LRRC4C: variants seen among roughly 807,000 people sequenced by gnomAD.
The protein encoded by LRRC4C is leucine-rich repeat-containing protein 4C.
A neutral mutation model predicts 33.6 loss-of-function variants in LRRC4C; 5 were observed. The ratio of observed to expected loss-of-function variants is 0.15; its 90% CI spans 0.08 to 0.31. The LOEUF (loss-of-function observed/expected upper bound fraction) is 0.31. Ranked by LOEUF, LRRC4C falls within the 10% of genes least tolerant of loss-of-function variation. The probability of loss-of-function intolerance (pLI) is 1.00; values close to 1 mark genes in which losing one functional copy is unlikely to be tolerated. For missense variants in LRRC4C, 560 were observed against 796.7 expected (o/e 0.70, Z 3.58); for synonymous variants, 329 against 302.0 (o/e 1.09, Z -0.93).
chr11:40,332,996 A>G lies in LRRC4C; in HGVS notation c.-269-13275T>C, dbSNP rs541420014. Among the ~76,000 whole-genome samples the G allele has an allele frequency of 1.1e-4, 17 of 152,362 alleles. No individual in the cohort carries two copies. In the East Asian group the frequency reaches 3.3e-3, roughly 29 times the overall value. On this transcript the variant is annotated intron_variant, in intron 3 of 6. Coordinates refer to ENST00000528697, the MANE Select transcript of LRRC4C (RefSeq NM_001258419.2). The stretch of plus-strand genomic sequence containing the variant: ...GTTTATCACACATAAATATTTATTG[A>G]ATAAATTAATGAATTAATGGATGAC...
At position 40,559,860 on chromosome 11, in the gene LRRC4C, G is replaced by T. The variant is rs11035920; in HGVS notation, c.-270+88282C>A. Among the ~76,000 whole-genome samples, 1,010 of 152,122 alleles carry T rather than the reference G, an allele frequency of 6.6e-3. 16 individuals carry two copies. Among genetic ancestry groups the T allele is most frequent in the African/African-American group, 0.023 (968 of 41,504 alleles). ...TTTTTCACATGCTTGTTGGCCACAA[G>T]ATACAAATTTTTAAATGGATGGCAG... On this transcript the variant is annotated intron_variant, in intron 3 of 6. Transcript: ENST00000528697.
At chr11:40,718,389 T>G (rs1432483325) in intron 2 of LRRC4C, among the ~76,000 whole-genome samples, 1 of 152,174 alleles carries the variant, frequency 6.6e-6, no homozygotes, top group African/African-American at 2.4e-5. Flanking sequence ...TGAGAAACCC[T>G]GGGGTGCGAG....
chr11:40,501,534 T>C (rs1301536690), intron 3 of LRRC4C, among the ~76,000 whole-genome samples: 1 of 152,184 alleles, frequency 6.6e-6, no homozygotes, highest in African/African-American at 2.4e-5. Context: ...ACCTGCAGGC[T>C]CAACACCACA....
intron 3 of LRRC4C, among the ~76,000 whole-genome samples, chr11:40,536,087 C>T (rs1464119046): frequency 2.6e-5 from 4 of 152,186 alleles, no homozygotes; most frequent in African/African-American, 4.8e-5. Context: ...TGTGACCTGT[C>T]TTTTTCCCAC....
At chr11:40,487,564 A>G (rs1239537797) in intron 3 of LRRC4C, among the ~76,000 whole-genome samples, 3 of 152,122 alleles carry the variant, frequency 2.0e-5, no homozygotes, top group Non-Finnish European at 4.4e-5. Context: ...AAAAAATTCC[A>G]TGATGCATTA....
chr11:40,704,103 ATACAG>A (rs1353573311), intron 2 of LRRC4C, among the ~76,000 whole-genome samples: 2 of 152,218 alleles, frequency 1.3e-5, no homozygotes, highest in African/African-American at 2.4e-5. Flanking sequence ...CAAATAAAAA[ATACAG>A]TATAACAAAT....
intron 1 of LRRC4C, among the ~76,000 whole-genome samples, chr11:41,167,757 A>T (rs1262217721): frequency 6.6e-6 from 1 of 152,216 alleles, no homozygotes; most frequent in African/African-American, 2.4e-5. Flanking sequence ...CAATAAAAAA[A>T]TCATGAGCCT....
chr11:40,863,650 G>A (rs972201863), intron 2 of LRRC4C, among the ~76,000 whole-genome samples: 1 of 152,028 alleles, frequency 6.6e-6, no homozygotes, highest in African/African-American at 2.4e-5. Flanking sequence ...CTTTTCAAGT[G>A]GTTTAAAGAT....
intron 3 of LRRC4C, chr11:40,445,432 TC>T: frequency 6.4e-6 from 1 of 155,088 alleles, no homozygotes. Context: ...AGGTTTTTAC[TC>T]CCCAGTGAGA....
chr11:40,115,315 A>G lies in LRRC4C; in HGVS notation c.978T>C (p.Cys326=). Residue 326 remains cysteine, a synonymous_variant, in exon 7 of 7, where the codon TGT becomes TGC. Coordinates refer to ENST00000528697, the MANE Select transcript of LRRC4C (RefSeq NM_001258419.2). This position sits in a 1 kb window ranked among gnomAD's most constrained non-coding sequence, Gnocchi z 6.7. ...IKDMAPSNTA[C]CARCNTPPNL... is the part of the protein sequence containing the mutation. Reference sequence around the variant, plus strand: ...TGGGAGGAGTGTTACACCGGGCACAACAAGCTGTGTTCGAGGGGGCCATGT... The same window carrying G: ...TGGGAGGAGTGTTACACCGGGCACAGCAAGCTGTGTTCGAGGGGGCCATGT... The G allele has an allele frequency of 6.2e-7, 1 of 1,614,176 alleles. No homozygotes were observed. The highest frequency in any genetic ancestry group is 1.1e-5 in the South Asian group (1 of 91,082).
chr11:41,029,129 T>G (rs978611790), intron 1 of LRRC4C, among the ~76,000 whole-genome samples: 8 of 151,762 alleles, frequency 5.3e-5, no homozygotes, highest in African/African-American at 1.9e-4. Context: ...TTTTAGTAGC[T>G]AAGATATTTC....
chr11:40,653,071 C>T lies in LRRC4C; in HGVS notation c.-406-4793G>A, dbSNP rs545962766. Reference sequence around the variant, plus strand: ...ATGAGGCTTTCCCATCTAAGAAGAACTGTGAGTCAATTAAACTTCTGTTAT... The same window carrying T: ...ATGAGGCTTTCCCATCTAAGAAGAATTGTGAGTCAATTAAACTTCTGTTAT... On this transcript the variant is annotated intron_variant, in intron 2 of 6. Transcript: ENST00000528697. 5.3e-5 allele frequency among the ~76,000 whole-genome samples: 8 copies of T among 152,340 alleles called. No homozygotes were observed. The South Asian group carries it at 1.7e-3, about 32-fold the overall frequency.
At chr11:40,490,146 T>C (rs983524318) in intron 3 of LRRC4C, among the ~76,000 whole-genome samples, 2 of 152,308 alleles carry the variant, frequency 1.3e-5, no homozygotes, top group African/African-American at 4.8e-5. Flanking sequence ...ATAAAATGTA[T>C]AACTAAAAAA....
At chr11:41,266,287 C>T (rs1002012462) in intron 1 of LRRC4C, among the ~76,000 whole-genome samples, 5 of 152,056 alleles carry the variant, frequency 3.3e-5, no homozygotes, top group African/African-American at 1.2e-4. Context: ...TACAACTTTG[C>T]AGAGATGGGA....
rs563309281 is a variant in LRRC4C, at chr11:40,631,721, C to A, written c.-270+16421G>T. The stretch of plus-strand genomic sequence containing the variant: ...AAATGTTGCTTGGAATAGCGCTCTG[C>A]AAATATTATCTGAGATCCAAAGTAG... On this transcript the variant is annotated intron_variant, in intron 3 of 6. Coordinates refer to ENST00000528697, the MANE Select transcript of LRRC4C (RefSeq NM_001258419.2). 4.6e-5 allele frequency among the ~76,000 whole-genome samples: 7 copies of A among 152,194 alleles called. No individual in the cohort carries two copies. In the South Asian group the frequency reaches 1.2e-3, roughly 27 times the overall value.
At chr11:40,899,325 G>A (rs1426065839) in intron 2 of LRRC4C, among the ~76,000 whole-genome samples, 1 of 152,130 alleles carries the variant, frequency 6.6e-6, no homozygotes, top group Non-Finnish European at 1.5e-5. Context: ...ATAAGAGTTG[G>A]AAGGTCCCTG....
At chr11:41,092,516 T>G (rs570548707) in intron 1 of LRRC4C, among the ~76,000 whole-genome samples, 3 of 152,320 alleles carry the variant, frequency 2.0e-5, no homozygotes, top group African/African-American at 7.2e-5. Context: ...GGCTATAATA[T>G]GGCATTTCTT....
rs554430839 is a variant in LRRC4C, at chr11:40,470,558, C to T, written c.-269-150837G>A. On this transcript the variant is annotated intron_variant, in intron 3 of 6. Transcript: ENST00000528697. ...AGATTGACGAATTGACAGAAGTAGG[C>T]TTCAGAAGGTGGGTAATAACAAACT... is the stretch of plus-strand genomic sequence containing the variant. Among the ~76,000 whole-genome samples the T allele has an allele frequency of 4.6e-5, 7 of 152,296 alleles. 2 individuals are homozygous for T. The highest frequency in any genetic ancestry group is 1.7e-4 in the African/African-American group (7 of 41,564).
At chr11:40,804,262 G>A (rs1346790495) in intron 2 of LRRC4C, among the ~76,000 whole-genome samples, 3 of 152,022 alleles carry the variant, frequency 2.0e-5, no homozygotes, top group Non-Finnish European at 4.4e-5. Context: ...AAATTTGATA[G>A]CTGTATCTAT....
Sources: allele counts gnomAD v4.1 joint callset (sites outside exome capture counted in the v4.1 genomes callset), GRCh38; gene constraint gnomAD v4.1.1; non-coding constraint Gnocchi (gnomAD v3.1); transcripts MANE v1.5; gene names NCBI Gene and HGNC (gene_info 2026-07-23, HGNC 2026-07-21).